Variants in SLC13A3 observed in about 807,000 individuals in gnomAD.
The protein encoded by SLC13A3 is solute carrier family 13 member 3, also known as Na(+)/dicarboxylate cotransporter 3.
In SLC13A3, 40 loss-of-function variants were observed where a neutral mutation model predicts 59.0. The observed-to-expected ratio is 0.68, with a 90% CI of 0.53 to 0.88. The LOEUF (loss-of-function observed/expected upper bound fraction) is 0.88. Among genes scored for constraint, SLC13A3 ranks in the 40% least tolerant of loss-of-function variants. The pLI is 0.00. For missense variants in SLC13A3, 699 were observed against 783.2 expected (o/e 0.89, Z 1.28); for synonymous variants, 317 against 330.3 (o/e 0.96, Z 0.44).
chr20:46,563,539 T>G lies in SLC13A3; in HGVS notation c.1507A>C (p.Arg503=), dbSNP rs745743730. The G allele has an allele frequency of 1.2e-5, 19 of 1,613,420 alleles. No homozygotes were observed. In the Admixed American group the frequency reaches 3.2e-4, roughly 27 times the overall value. The change falls in exon 12 of 13, where the codon AGA becomes CGA. Residue 503 remains arginine, a synonymous_variant. Transcript: ENST00000279027. The part of the protein sequence containing the change: ...PVLAELAIRL[R]VHPLYLMIPG... Reference sequence around the variant, plus strand: ...ATCATCAGATACAGGGGGTGCACTCTCAGGCGGATGGCCTGGGCCAGGAAA... The same window carrying G: ...ATCATCAGATACAGGGGGTGCACTCGCAGGCGGATGGCCTGGGCCAGGAAA...
Position 46,609,189 on chromosome 20 carries a change from G to A in SLC13A3, c.541+1257C>T, listed in dbSNP as rs1267688266. On this transcript the variant is annotated intron_variant, in intron 3 of 12. Coordinates refer to ENST00000279027, the MANE Select transcript of SLC13A3 (RefSeq NM_022829.6). Reference sequence around the variant, plus strand: ...GTAAGACATTTTAAAGTGACATGATGTGGCAGCCACTTTGCAACCATAAGA... The same window carrying A: ...GTAAGACATTTTAAAGTGACATGATATGGCAGCCACTTTGCAACCATAAGA... 13 of 1,372,404 alleles carry A rather than the reference G, an allele frequency of 9.5e-6. 1 individual carries two copies. The highest frequency in any genetic ancestry group is 1.2e-5 in the Non-Finnish European group (12 of 1,040,246). 85.0% of individuals were successfully genotyped at this position (1,372,404 alleles called of 1,614,324 possible).
intron 1 of SLC13A3, among the ~76,000 whole-genome samples, chr20:46,633,492 A>C (rs565601605): frequency 4.6e-5 from 7 of 152,320 alleles, no homozygotes; most frequent in Non-Finnish European, 1.0e-4. Context: ...TCCTCAGAGA[A>C]TGCCCAGGGG....
chr20:46,674,317 G>C (rs779089171), upstream of SLC13A3, among the ~76,000 whole-genome samples: 12 of 152,268 alleles, frequency 7.9e-5, no homozygotes, highest in Non-Finnish European at 1.8e-4. Flanking sequence ...TCCCCTGGAG[G>C]GGGAAGTCAA....
intron 9 of SLC13A3, among the ~76,000 whole-genome samples, chr20:46,581,250 C>T (rs1176718184): frequency 1.3e-5 from 2 of 152,214 alleles, no homozygotes; most frequent in Non-Finnish European, 2.9e-5. Flanking sequence ...AGAGAAAGCC[C>T]TGGGCATTGT....
rs1269793471 is a variant in SLC13A3, at chr20:46,558,599, C to T, written c.*1423G>A. 1 of 152,210 alleles carries T rather than the reference C, an allele frequency of 6.6e-6. No individual in the cohort carries two copies. Among genetic ancestry groups the T allele is most frequent in the African/African-American group, 2.4e-5 (1 of 41,446 alleles). The allele number at this position is 152,210 out of a possible 1,614,324, so 9.4% of individuals were successfully genotyped here. On this transcript the variant is annotated 3_prime_UTR_variant, in exon 13 of 13. Coordinates refer to ENST00000279027, the MANE Select transcript of SLC13A3 (RefSeq NM_022829.6). The stretch of plus-strand genomic sequence containing the variant: ...TGTAACTGTGATTCAACACTGAGTG[C>T]TCACTTGGAAAGGAGGTGGAGCTCA...
chr20:46,574,541 C>G (rs1292288941), intron 10 of SLC13A3, among the ~76,000 whole-genome samples: 1 of 152,176 alleles, frequency 6.6e-6, no homozygotes, highest in Non-Finnish European at 1.5e-5. Context: ...CCACCCTGGT[C>G]CCAGCCCTGA....
chr20:46,655,978 T>C (rs576369690), upstream of SLC13A3, among the ~76,000 whole-genome samples: 1 of 142,678 alleles, frequency 7.0e-6, no homozygotes, highest in Non-Finnish European at 1.5e-5. Flanking sequence ...TATATGTATG[T>C]ATATATGTAT....
chr20:46,656,712 C>T (rs899037447), intron 1 of SLC13A3, among the ~76,000 whole-genome samples: 2 of 150,854 alleles, frequency 1.3e-5, no homozygotes, highest in Admixed American at 6.6e-5. Flanking sequence ...ATTTTATGTC[C>T]CACTTTCTTT....
At chr20:46,625,142 A>G (rs531631529) in intron 1 of SLC13A3, among the ~76,000 whole-genome samples, 1 of 152,296 alleles carries the variant, frequency 6.6e-6, no homozygotes, top group Non-Finnish European at 1.5e-5. Flanking sequence ...GAAAATAAGG[A>G]AGAAGAGATG....
intron 1 of SLC13A3, among the ~76,000 whole-genome samples, chr20:46,666,095 G>C (rs1256232993): frequency 2.0e-5 from 3 of 152,246 alleles, no homozygotes; most frequent in South Asian, 4.1e-4. Context: ...CTATGAGAGA[G>C]AGGAACTGGT....
intron 1 of SLC13A3, among the ~76,000 whole-genome samples, chr20:46,634,673 T>C (rs1244282217): frequency 1.3e-5 from 2 of 152,096 alleles, no homozygotes; most frequent in Non-Finnish European, 2.9e-5. Context: ...CACTAATCAT[T>C]CACGAGCCAG....
At chr20:46,622,919 T>C (rs766729748) in intron 1 of SLC13A3, among the ~76,000 whole-genome samples, 23 of 152,064 alleles carry the variant, frequency 1.5e-4, no homozygotes, top group Non-Finnish European at 2.9e-4. Flanking sequence ...AAAAAGAAAT[T>C]AAAAAGTTGA....
chr20:46,676,952 C>G (rs1031498336), intron 1 of SLC13A3, among the ~76,000 whole-genome samples: 1 of 151,266 alleles, frequency 6.6e-6, no homozygotes, highest in Non-Finnish European at 1.5e-5. Context: ...AGAGTCTCAC[C>G]CTGTCCAGGC....
chr20:46,630,195 T>C (rs778904037), intron 1 of SLC13A3, among the ~76,000 whole-genome samples: 5 of 152,226 alleles, frequency 3.3e-5, no homozygotes, highest in Non-Finnish European at 7.3e-5. Context: ...CTTTAGCATT[T>C]ATGTTTGTTT....
chr20:46,595,258 C>T (rs928894992), intron 5 of SLC13A3, among the ~76,000 whole-genome samples: 1 of 152,196 alleles, frequency 6.6e-6, no homozygotes, highest in African/African-American at 2.4e-5. Flanking sequence ...GCTTAGAAAC[C>T]AGAGGTTTAG....
At chr20:46,658,795 T>A (rs2063010047) in intron 1 of SLC13A3, among the ~76,000 whole-genome samples, 1 of 152,258 alleles carries the variant, frequency 6.6e-6, no homozygotes, top group South Asian at 2.1e-4. Flanking sequence ...TATTTCTCAC[T>A]TTAGTTCTGT....
chr20:46,592,020 A>G (rs1254902792), intron 6 of SLC13A3, among the ~76,000 whole-genome samples: 1 of 150,826 alleles, frequency 6.6e-6, no homozygotes, highest in African/African-American at 2.5e-5. Flanking sequence ...AAGCCTGGGC[A>G]ATATAGTGAG....
upstream of SLC13A3, among the ~76,000 whole-genome samples, chr20:46,674,472 C>T (rs1243676229): frequency 2.0e-5 from 3 of 152,148 alleles, no homozygotes; most frequent in Admixed American, 1.3e-4. Context: ...TTTACAAACA[C>T]GGAGAGGCCT....
chr20:46,582,990 C>G lies in SLC13A3; in HGVS notation c.1219+582G>C, dbSNP rs149345073. 3.7e-3 allele frequency: 3,681 copies of G among 985,636 alleles called. 3 individuals carry two copies. Among genetic ancestry groups the G allele is most frequent in the Non-Finnish European group, 4.2e-3 (3,450 of 830,092 alleles). 61.1% of individuals were successfully genotyped at this position (985,636 alleles called of 1,614,324 possible). On this transcript the variant is annotated intron_variant, in intron 9 of 12. Transcript: ENST00000279027. Reference sequence around the variant, plus strand: ...TAGGCAGTTTTTCCTCAGTCCCCAACACTTCCTATACGGTTGAAACCCAGC... The same window carrying G: ...TAGGCAGTTTTTCCTCAGTCCCCAAGACTTCCTATACGGTTGAAACCCAGC...
Sources: allele counts gnomAD v4.1 joint callset (sites outside exome capture counted in the v4.1 genomes callset), GRCh38; gene constraint gnomAD v4.1.1; transcripts MANE v1.5; gene names NCBI Gene and HGNC (gene_info 2026-07-23, HGNC 2026-07-21).